KLC3: variants seen among roughly 807,000 people sequenced by gnomAD.
KLC3 encodes the protein kinesin light chain 3.
In KLC3, 72 loss-of-function variants were observed where a neutral mutation model predicts 62.9. The ratio of observed to expected loss-of-function variants is 1.15; its 90% CI spans 0.95 to 1.39. The LOEUF is 1.39. Among genes scored for constraint, KLC3 ranks in the 40% most tolerant of loss-of-function variants. The pLI, the probability that KLC3 is intolerant of heterozygous loss-of-function variation, is 0.00. For synonymous variants in KLC3, 377 were observed against 300.5 expected (o/e 1.25, Z -2.63); for missense variants, 848 against 691.6 (o/e 1.23, Z -2.54).
intron 1 of KLC3, among the ~76,000 whole-genome samples, chr19:45,341,250 G>C (rs77988534): frequency 0.023 from 3,490 of 151,694 alleles, 60 homozygotes; most frequent in Non-Finnish European, 0.036. Flanking sequence ...GTCAGGCTGT[G>C]GGTATGAGGG....
Position 45,350,670 on chromosome 19 carries a change from G to C in KLC3, c.1302G>C (p.Lys434Asn). Reference sequence around the variant, plus strand: ...TTCGCCGCAGCAGCTCACTCTCCAAGATCCGTGAGTCTATCAGGCGAGGAA... The same window carrying C: ...TTCGCCGCAGCAGCTCACTCTCCAACATCCGTGAGTCTATCAGGCGAGGAA... Reference protein sequence around the residue: ...QALRRSSSLSKIRESIRRGSE... With the variant: ...QALRRSSSLSNIRESIRRGSE... The change falls in exon 11 of 13, where the codon AAG becomes AAC. Residue 434 changes from lysine to asparagine, a missense_variant. Physicochemically the swap from Lys to Asn is moderately conservative, Grantham distance 94. Coordinates refer to ENST00000391946, the MANE Select transcript of KLC3 (RefSeq NM_177417.3). 1 of 1,613,620 alleles carries C rather than the reference G, an allele frequency of 6.2e-7. No homozygotes were observed. Among genetic ancestry groups the C allele is most frequent in the Non-Finnish European group, 8.5e-7 (1 of 1,179,924 alleles).
rs374098911 is a variant in KLC3 at position 45,350,724 on chromosome 19, C to A, written c.1356C>A (p.Gly452=). 1 of 1,612,866 alleles carries A rather than the reference C, an allele frequency of 6.2e-7. No homozygotes were observed. The highest frequency in any genetic ancestry group is 8.5e-7 in the Non-Finnish European group (1 of 1,179,680). Residue 452 remains glycine (G), a synonymous_variant, in exon 11 of 13, where the codon GGC becomes GGA. Coordinates refer to ENST00000391946, the MANE Select transcript of KLC3 (RefSeq NM_177417.3). Reference sequence around the variant, plus strand: ...AGAAGCTGGTCTCCCGGCTCCGAGGCGAGGCGGCGGCAGGAGCAGCCGGGT... The same window carrying A: ...AGAAGCTGGTCTCCCGGCTCCGAGGAGAGGCGGCGGCAGGAGCAGCCGGGT... ...GSEKLVSRLR[G]EAAAGAAGMK...
chr19:45,350,463 CTGGTGGCTTCTCT>C lies in KLC3; in HGVS notation c.1234+33_1235-38del, dbSNP rs773574463. On this transcript the variant is annotated intron_variant, in intron 9 of 12. Transcript: ENST00000391946. ...CCCTAGCCCCTGTCTGTCTTCCCTC[CTGGTGGCTTCTCT>C]ATGTCCCCATCTCAGTGTCCCCCAT... 2.5e-6 allele frequency: 4 copies of C among 1,613,438 alleles called. No individual in the cohort carries two copies. The East Asian group carries it at 6.7e-5, about 27-fold the overall frequency.
intron 5 of KLC3, among the ~76,000 whole-genome samples, chr19:45,348,371 GCAGAGAGGAGT>G (rs1971561968): frequency 6.6e-6 from 1 of 150,974 alleles, no homozygotes; most frequent in African/African-American, 2.4e-5. Context: ...ACTGAGCCAG[GCAGAGAGGAGT>G]CAGAGAGCAC....
chr19:45,350,363 A>G lies in KLC3; in HGVS notation c.1166A>G (p.Asn389Ser), dbSNP rs781486330. 6 of 1,613,452 alleles carry G rather than the reference A, an allele frequency of 3.7e-6. No individual in the cohort carries two copies. In the South Asian group the frequency reaches 6.6e-5, roughly 18 times the overall value. Residue 389 changes from asparagine (N) to serine (S), a missense_variant, in exon 9 of 13, where the codon AAC (asparagine) becomes AGC (serine). Transcript: ENST00000391946. ...NNLASAYLKQ[N>S]KYQQAEELYK... ...CAGGCCTCAGCCTACCTGAAACAGA[A>G]CAAGTATCAACAAGCGGAAGAGCTG...
chr19:45,345,690 A>AGGCCCTGGCGGG lies in KLC3; in HGVS notation c.150_161dup (p.Ala51_Gly54dup). ...CATGGCCTGGCTGGGCACCTGGCGG[A>AGGCCCTGGCGGG]GGCCCTGGCGGGACAGGGCCCGGCA... On this transcript the variant is annotated inframe_insertion, in exon 2 of 13. Coordinates refer to ENST00000391946, the MANE Select transcript of KLC3 (RefSeq NM_177417.3). 2 of 1,573,224 alleles carry AGGCCCTGGCGGG rather than the reference A, an allele frequency of 1.3e-6. No individual in the cohort carries two copies.
At chr19:45,349,705 G>GCCCCCCAGGCCGGT in intron 8 of KLC3, 103 bp downstream of exon 8, 1 of 789,686 alleles carries the variant, frequency 1.3e-6, no homozygotes, top group South Asian at 2.0e-5. Context: ...GTGGGGGGGG[G>GCCCCCCAGGCCGGT]CCCCCCAGGC....
chr19:45,347,436 T>C lies in KLC3; in HGVS notation c.490-11T>C, dbSNP rs755204441. 1 of 1,592,698 alleles carries C rather than the reference T, an allele frequency of 6.3e-7. No homozygotes were observed. Among genetic ancestry groups the C allele is most frequent in the East Asian group, 2.3e-5 (1 of 44,056 alleles). On this transcript the variant is annotated splice_polypyrimidine_tract_variant and intron_variant, in intron 3 of 12. Transcript: ENST00000391946. ...CCACCACCCCGGCCCCCCACTTTCC[T>C]GTCTCTGCAGCAGTCTGAGTCCCCG...
At chr19:45,351,074 G>A (rs1220881600) in intron 12 of KLC3, 57 bp downstream of exon 12, 2 of 1,613,678 alleles carry the variant, frequency 1.2e-6, no homozygotes, top group East Asian at 4.5e-5. Flanking sequence ...GTGCAGAGAT[G>A]AGGCAAAGGC....
chr19:45,343,546 G>A (rs747594590), intron 1 of KLC3, among the ~76,000 whole-genome samples: 8 of 152,098 alleles, frequency 5.3e-5, no homozygotes, highest in Non-Finnish European at 1.0e-4. Flanking sequence ...TGTTGGCCAG[G>A]CCAGTCTCAA....
rs536087165 is a variant in KLC3, at chr19:45,350,175, A to G, written c.1144-166A>G. On this transcript the variant is annotated intron_variant, in intron 8 of 12. Coordinates refer to ENST00000391946, the MANE Select transcript of KLC3 (RefSeq NM_177417.3). ...GGTGGTTCACGCTTGTAACCCCAACACTTTGGGAGGCCAAGGCAGGAGGAT... is the reference window on the plus strand; with the variant it reads ...GGTGGTTCACGCTTGTAACCCCAACGCTTTGGGAGGCCAAGGCAGGAGGAT... The G allele has an allele frequency of 6.5e-6, 4 of 614,862 alleles. No homozygotes were observed. In the South Asian group the frequency reaches 8.0e-5, roughly 12 times the overall value. The allele number at this position is 614,862 out of a possible 1,614,324, so 38.1% of individuals were successfully genotyped here.
intron 7 of KLC3, among the ~76,000 whole-genome samples, chr19:45,349,148 A>C (rs1406746608): frequency 6.6e-6 from 1 of 151,836 alleles, no homozygotes; most frequent in Non-Finnish European, 1.5e-5. Flanking sequence ...ATCACCCTCC[A>C]ACTGGGTCCC....
In KLC3 at chr19:45,350,446, C is replaced by A. The variant is rs1971679463; in HGVS notation, c.1234+15C>A. ...CGCCCCTCTCGGTGAGCCCCTAGCCCCTGTCTGTCTTCCCTCCTGGTGGCT... is the reference window on the plus strand; with the variant it reads ...CGCCCCTCTCGGTGAGCCCCTAGCCACTGTCTGTCTTCCCTCCTGGTGGCT... On this transcript the variant is annotated intron_variant, in intron 9 of 12. Transcript: ENST00000391946. 1 of 1,613,202 alleles carries A rather than the reference C, an allele frequency of 6.2e-7. No individual in the cohort carries two copies.
Position 45,349,619 on chromosome 19 carries a change from T to C in KLC3, c.1143+17T>C, listed in dbSNP as rs769797640. The C allele has an allele frequency of 1.1e-5, 17 of 1,554,882 alleles. No individual in the cohort carries two copies. Among genetic ancestry groups the C allele is most frequent in the Middle Eastern group, 1.8e-4 (1 of 5,660 alleles). On this transcript the variant is annotated intron_variant, in intron 8 of 12. Transcript: ENST00000391946. ...AACAACCTGGTGAGGCCCCTGGGGC[T>C]CAGAGTGGGCCAAGAGTGGAGGGTC... is the stretch of plus-strand genomic sequence containing the variant.
chr19:45,350,941 G>C lies in KLC3; in HGVS notation c.1380-13G>C. On this transcript the variant is annotated splice_polypyrimidine_tract_variant and intron_variant, in intron 11 of 12. Coordinates refer to ENST00000391946, the MANE Select transcript of KLC3 (RefSeq NM_177417.3). The stretch of plus-strand genomic sequence containing the variant: ...TGGATTCACTCATTTCCTCCCTGCT[G>C]CCCTCTTTGCAGAATGAAGAGAGCC... 6.2e-7 allele frequency: 1 copy of C among 1,613,612 alleles called. No homozygotes were observed. Among genetic ancestry groups the C allele is most frequent in the Non-Finnish European group, 8.5e-7 (1 of 1,179,652 alleles).
intron 2 of KLC3, among the ~76,000 whole-genome samples, chr19:45,346,047 G>A (rs184409607): frequency 4.0e-4 from 61 of 152,148 alleles, no homozygotes; most frequent in East Asian, 1.4e-3. Context: ...CTGTAATCCC[G>A]GCTACTCAGG....
intron 8 of KLC3, 148 bp from the exon 9 acceptor site, chr19:45,350,193 A>AG: frequency 1.6e-6 from 1 of 635,334 alleles, no homozygotes; most frequent in Non-Finnish European, 2.7e-6. Context: ...AGGCCAAGGC[A>AG]GGAGGATCAC....
Position 45,351,497 on chromosome 19 carries a change from A to G in KLC3, c.*140A>G, listed in dbSNP as rs1971775640. On this transcript the variant is annotated 3_prime_UTR_variant, in exon 13 of 13. Coordinates refer to ENST00000391946, the MANE Select transcript of KLC3 (RefSeq NM_177417.3). ...TGGATAGCTGCCTTCTCCTGCGATT[A>G]AAGGCTGTGGACGTGACAGTGAGAA... 10 of 1,593,878 alleles carry G rather than the reference A, an allele frequency of 6.3e-6. No homozygotes were observed. In the Admixed American group the frequency reaches 1.7e-4, roughly 27 times the overall value.
chr19:45,347,366 A>T, intron 3 of KLC3, 81 bp from the exon 4 acceptor site: 1 of 1,088,854 alleles, frequency 9.2e-7, no homozygotes. Flanking sequence ...ACAAAAAAAC[A>T]AAAACCTGAG....
Sources: allele counts gnomAD v4.1 joint callset (sites outside exome capture counted in the v4.1 genomes callset), GRCh38; gene constraint gnomAD v4.1.1; transcripts MANE v1.5; gene names NCBI Gene and HGNC (gene_info 2026-07-23, HGNC 2026-07-21).